The following RFK variants were observed in gnomAD, a reference collection of about 807,000 sequenced individuals.
RFK encodes riboflavin kinase, also known as 0610038L10Rik.
RFK carries 4 observed loss-of-function variants against 17.6 expected under a neutral mutation model. That is an observed-to-expected ratio of 0.23 (90% CI 0.11 to 0.52). RFK has a LOEUF of 0.52. Ranked by LOEUF, RFK falls within the 20% of genes least tolerant of loss-of-function variation. The pLI, the probability that RFK is intolerant of heterozygous loss-of-function variation, is 0.96. For synonymous variants in RFK, 59 were observed against 63.8 expected, an observed-to-expected ratio of 0.92 and a Z score of 0.36; for missense variants, 189 against 187.7, an observed-to-expected ratio of 1.01 and a Z score of -0.04.
chr9:76,394,184 T>C lies in RFK; in HGVS notation c.-13A>G, dbSNP rs371365472. On this transcript the variant is annotated 5_prime_UTR_variant, in exon 1 of 4. Coordinates refer to ENST00000376736, the MANE Select transcript of RFK (RefSeq NM_018339.6). ...GCAGGTGCCTCATAATGCAGTCCGC[T>C]CGGGGAATGGGCTGCGGCCCGGTCT... 2.3e-5 allele frequency: 36 copies of C among 1,587,468 alleles called. No homozygotes were observed. Among genetic ancestry groups the C allele is most frequent in the Non-Finnish European group, 2.9e-5 (34 of 1,168,350 alleles).
intron 3 of RFK, 35 bp downstream of exon 3, chr9:76,388,519 T>C (rs747097796): frequency 6.0e-5 from 74 of 1,225,788 alleles, no homozygotes; most frequent in East Asian, 4.6e-5. Context: ...GTGGTAGCAG[T>C]AGTAGTATTT....
chr9:76,392,476 T>C lies in RFK; in HGVS notation c.176A>G (p.His59Arg), dbSNP rs200627906. The C allele has an allele frequency of 5.0e-6, 8 of 1,614,114 alleles. No homozygotes were observed. The highest frequency in any genetic ancestry group is 4.0e-5 in the African/African-American group (3 of 74,944). The change falls in exon 2 of 4, where the codon CAT becomes CGT. Residue 59 changes from histidine to arginine, a missense_variant. Around this residue, in one of 3 missense-constraint regions of RFK, gnomAD observed 90 missense variants for 75.4 expected, o/e 1.19. Transcript: ENST00000376736. ...CCATCCTATGCTCACCACCATCTTATGGACATCTCCACTTCCAACACTGGC... is the reference window on the plus strand; with the variant it reads ...CCATCCTATGCTCACCACCATCTTACGGACATCTCCACTTCCAACACTGGC... ...GWASVGSGDV[H>R]KMVVSIGWNP... is the part of the protein sequence containing the mutation.
chr9:76,388,678 A>G (rs750350728), intron 2 of RFK, 22 bp from the exon 3 acceptor site: 1 of 1,407,704 alleles, frequency 7.1e-7, no homozygotes, highest in South Asian at 1.2e-5. Context: ...AAATGTTACA[A>G]AGAGTGCTAT....
intron 2 of RFK, among the ~76,000 whole-genome samples, chr9:76,390,093 T>C (rs1364036830): frequency 1.3e-5 from 2 of 152,196 alleles, no homozygotes; most frequent in Non-Finnish European, 2.9e-5. Flanking sequence ...GTCACTTGAT[T>C]TATGTCCCAG....
At chr9:76,392,971 C>G (rs1410232613) in intron 1 of RFK, among the ~76,000 whole-genome samples, 1 of 152,220 alleles carries the variant, frequency 6.6e-6, no homozygotes, top group African/African-American at 2.4e-5. Flanking sequence ...ATTACATTCA[C>G]AAGACTCCTA....
At chr9:76,388,258 C>T (rs974168807) in intron 3 of RFK, 11 of 529,080 alleles carry the variant, frequency 2.1e-5, no homozygotes, top group Non-Finnish European at 3.6e-5. Context: ...TCATTAACTT[C>T]ATACCGCTGG....
At chr9:76,387,712 T>C (rs1822758021) in intron 3 of RFK, 183 bp from the exon 4 acceptor site, 2 of 534,514 alleles carry the variant, frequency 3.7e-6, no homozygotes, top group South Asian at 5.3e-5. Flanking sequence ...AAAAGATATG[T>C]CCCTAGGCCG....
chr9:76,388,952 C>T (rs1463647287), intron 2 of RFK, among the ~76,000 whole-genome samples: 1 of 152,092 alleles, frequency 6.6e-6, no homozygotes, highest in East Asian at 1.9e-4. Flanking sequence ...AAGTAAGTAT[C>T]TTATCAAGGT....
Position 76,392,589 on chromosome 9 carries a change from AT to A in RFK, c.83-21del. The A allele has an allele frequency of 6.2e-7, 1 of 1,613,374 alleles. No individual in the cohort carries two copies. Among genetic ancestry groups the A allele is most frequent in the African/African-American group, 1.3e-5 (1 of 75,020 alleles). ...AATTAGCTAAACAACAGAAGAAAAT[AT>A]TTTGAGTCTTACAAATTTCGTATTA... On this transcript the variant is annotated intron_variant, in intron 1 of 3. Coordinates refer to ENST00000376736, the MANE Select transcript of RFK (RefSeq NM_018339.6).
At chr9:76,390,726 C>CCA (rs36105508) in intron 2 of RFK, among the ~76,000 whole-genome samples, 42,168 of 125,324 alleles carry the variant, frequency 0.34, 6,913 homozygotes, top group Non-Finnish European at 0.41. Flanking sequence ...AAAAAAAAAA[C>CCA]CACACACACA....
At chr9:76,393,830 A>G (rs1822852658) in intron 1 of RFK, 1 of 495,194 alleles carries the variant, frequency 2.0e-6, no homozygotes, top group East Asian at 3.5e-5. Context: ...TGAACGGGGA[A>G]TCCTGCGATT....
chr9:76,390,223 T>G (rs186630377), intron 2 of RFK, among the ~76,000 whole-genome samples: 96 of 152,252 alleles, frequency 6.3e-4, no homozygotes, highest in African/African-American at 2.0e-3. Flanking sequence ...ACTAAAAAAG[T>G]CAATTTGAAG....
At chr9:76,389,872 G>T (rs569671029) in intron 2 of RFK, among the ~76,000 whole-genome samples, 3 of 152,144 alleles carry the variant, frequency 2.0e-5, no homozygotes, top group Admixed American at 6.5e-5. Flanking sequence ...AGTAATCTAC[G>T]AATTCAATGC....
chr9:76,388,670 A>G lies in RFK; in HGVS notation c.235-14T>C. The G allele has an allele frequency of 6.6e-7, 1 of 1,506,556 alleles. No homozygotes were observed. The highest frequency in any genetic ancestry group is 9.2e-7 in the Non-Finnish European group (1 of 1,083,672). The allele number at this position is 1,506,556 out of a possible 1,614,324, so 93.3% of individuals were successfully genotyped here. A position where few individuals can be genotyped will look rare whatever the true frequency, so the allele number is the denominator to read the frequency against. ...GATATGTGTTTCCTATAGTCAAGAA[A>G]TGTTACAAAGAGTGCTATCAGACTA... On this transcript the variant is annotated splice_polypyrimidine_tract_variant and intron_variant, in intron 2 of 3. Coordinates refer to ENST00000376736, the MANE Select transcript of RFK (RefSeq NM_018339.6).
chr9:76,394,110 T>C lies in RFK; in HGVS notation c.62A>G (p.Lys21Arg), dbSNP rs776692015. ...QVVRGFGRGS[K>R]QLGIPTANFP... ...CTCACCTGTGGGGATGCCCAGCTGC[T>C]TGGAGCCGCGGCCGAAGCCCCGCAC... is the stretch of plus-strand genomic sequence containing the variant. The change falls in exon 1 of 4, where the codon AAG becomes AGG. Residue 21 changes from lysine to arginine, a missense_variant. Lys to Arg is a conservative substitution (Grantham distance 26). Around this residue, in one of 3 missense-constraint regions of RFK, gnomAD observed 90 missense variants for 75.4 expected, o/e 1.19. Coordinates refer to ENST00000376736, the MANE Select transcript of RFK (RefSeq NM_018339.6). The C allele has an allele frequency of 1.9e-6, 3 of 1,608,736 alleles. No homozygotes were observed. The highest frequency in any genetic ancestry group is 1.7e-6 in the Non-Finnish European group (2 of 1,178,564).
At chr9:76,390,305 A>T (rs528311589) in intron 2 of RFK, among the ~76,000 whole-genome samples, 2 of 152,322 alleles carry the variant, frequency 1.3e-5, no homozygotes, top group South Asian at 4.1e-4. Context: ...GTAGTCAAAG[A>T]TTTCTGAAAC....
chr9:76,389,748 G>A (rs567735703), intron 2 of RFK, among the ~76,000 whole-genome samples: 26 of 152,170 alleles, frequency 1.7e-4, no homozygotes, highest in African/African-American at 4.1e-4. Context: ...TAGCCTTGGC[G>A]ACAGAGCGAA....
At chr9:76,393,661 T>A in intron 1 of RFK, 5 of 177,874 alleles carry the variant, frequency 2.8e-5, no homozygotes, top group South Asian at 1.5e-4. Flanking sequence ...CTCATTCAAC[T>A]ACCTATGTTA....
chr9:76,393,781 A>G (rs1283425626), intron 1 of RFK: 1 of 420,734 alleles, frequency 2.4e-6, no homozygotes. Flanking sequence ...AGACAAGCGC[A>G]ATGCTTGACC....
Sources: gnomAD v4.1 joint callset for allele counts (sites outside exome capture counted in the v4.1 genomes callset) on GRCh38, gnomAD v4.1.1 for gene constraint, gnomAD v4.1.1 regional missense constraint, MANE v1.5 for transcripts, NCBI Gene and HGNC (gene_info 2026-07-23, HGNC 2026-07-21) for gene names.